Variants in XPR1 observed in about 807,000 individuals in gnomAD.
The protein encoded by XPR1 is solute carrier family 53 member 1.
In XPR1, 28 loss-of-function variants were observed where a neutral mutation model predicts 87.5. The observed-to-expected ratio is 0.32, with a 90% confidence interval of 0.24 to 0.44. The LOEUF is 0.44. Ranked by LOEUF, XPR1 falls within the 20% of genes least tolerant of loss-of-function variation. XPR1 has a pLI of 1.00. For synonymous variants in XPR1, 300 were observed against 306.1 expected (o/e 0.98, Z 0.21); for missense variants, 559 against 862.3 (o/e 0.65, Z 4.41).
chr1:180,638,788 ATATAAATTTGTATTACTTTTG>A (rs1230433771), intron 1 of XPR1, among the ~76,000 whole-genome samples: 6 of 152,328 alleles, frequency 3.9e-5, no homozygotes, highest in East Asian at 3.9e-4. Flanking sequence ...TGGAACATGG[ATATAAATTTGTATTACTTTTG>A]TATAAATTTG....
At chr1:180,725,316 T>G (rs547588227) in intron 2 of XPR1, among the ~76,000 whole-genome samples, 5 of 152,274 alleles carry the variant, frequency 3.3e-5, no homozygotes, top group African/African-American at 1.2e-4. Flanking sequence ...TTTTTGAAGA[T>G]CTGACTAATC....
chr1:180,806,776 A>T (rs948842179), intron 6 of XPR1, among the ~76,000 whole-genome samples: 2 of 152,096 alleles, frequency 1.3e-5, no homozygotes, highest in African/African-American at 4.8e-5. Context: ...TTTCTTGTTT[A>T]TTCTTACTGA....
intron 6 of XPR1, among the ~76,000 whole-genome samples, chr1:180,809,775 T>C (rs1222933627): frequency 6.6e-6 from 1 of 152,194 alleles, no homozygotes; most frequent in East Asian, 1.9e-4. Context: ...CACTTTATTA[T>C]TCATTTCTAA....
chr1:180,834,662 C>T (rs1012738984), intron 9 of XPR1, among the ~76,000 whole-genome samples: 2 of 152,088 alleles, frequency 1.3e-5, no homozygotes, highest in Admixed American at 6.5e-5. Flanking sequence ...TTTTTTCCTC[C>T]TTTACTTCCT....
chr1:180,800,482 CAAGTGAGCTTG>C (rs1242991453), intron 3 of XPR1, among the ~76,000 whole-genome samples: 1 of 152,212 alleles, frequency 6.6e-6, no homozygotes, highest in East Asian at 1.9e-4. Context: ...CTGCCACAAC[CAAGTGAGCTTG>C]AATGTGAGCT....
At chr1:180,725,254 T>C (rs1658299181) in intron 2 of XPR1, among the ~76,000 whole-genome samples, 1 of 152,218 alleles carries the variant, frequency 6.6e-6, no homozygotes, top group Non-Finnish European at 1.5e-5. Flanking sequence ...GCATTTTAAA[T>C]GTTATTTTTA....
chr1:180,857,161 C>T lies in XPR1; in HGVS notation c.1502-6547C>T, dbSNP rs984542226. ...TTTTATTATTACATATACTCTTTCT[C>T]CACCTTCACATGAAAATGTGGCTGG... On this transcript the variant is annotated intron_variant, in intron 11 of 14. Transcript: ENST00000367590. Among the ~76,000 whole-genome samples the T allele has an allele frequency of 5.7e-4, 87 of 152,056 alleles. 1 individual carries two copies. The highest frequency in any genetic ancestry group is 3.9e-4 in the Admixed American group (6 of 15,282).
chr1:180,651,710 A>G (rs1406586681), intron 1 of XPR1, among the ~76,000 whole-genome samples: 2 of 152,296 alleles, frequency 1.3e-5, no homozygotes, highest in Non-Finnish European at 2.9e-5. Context: ...GGCTTATAAT[A>G]TTTAAATTGT....
chr1:180,709,110 C>T (rs1188216694), intron 2 of XPR1, among the ~76,000 whole-genome samples: 1 of 152,088 alleles, frequency 6.6e-6, no homozygotes. Context: ...TGGGGTTTCA[C>T]CATGTTGGCC....
intron 2 of XPR1, among the ~76,000 whole-genome samples, chr1:180,710,674 C>T (rs1239016307): frequency 6.6e-6 from 1 of 152,250 alleles, no homozygotes; most frequent in Non-Finnish European, 1.5e-5. Context: ...TTCGACAAAA[C>T]CGCCATTGTC....
chr1:180,814,084 A>G (rs1267375163), intron 7 of XPR1, among the ~76,000 whole-genome samples: 1 of 152,188 alleles, frequency 6.6e-6, no homozygotes, highest in Non-Finnish European at 1.5e-5. Context: ...GATGTTCGAG[A>G]GATAATTTAC....
intron 2 of XPR1, among the ~76,000 whole-genome samples, chr1:180,772,148 C>T (rs2102067294): frequency 6.6e-6 from 1 of 152,072 alleles, no homozygotes; most frequent in Non-Finnish European, 1.5e-5. Flanking sequence ...GTGCTTTATT[C>T]TATGGATTAT....
intron 2 of XPR1, among the ~76,000 whole-genome samples, chr1:180,771,438 C>T (rs7555356): frequency 0.28 from 42,778 of 152,004 alleles, 7,564 homozygotes; most frequent in Non-Finnish European, 0.38. Context: ...CGTACTCAAT[C>T]GTAGTGCAAT....
chr1:180,683,630 G>T (rs556802322), intron 2 of XPR1, among the ~76,000 whole-genome samples: 3 of 152,212 alleles, frequency 2.0e-5, no homozygotes, highest in African/African-American at 7.2e-5. Flanking sequence ...AGCACCTGTT[G>T]TTTCCTGACT....
At position 180,863,532 on chromosome 1, in the gene XPR1, A is replaced by G. The variant is rs554877164; in HGVS notation, c.1502-176A>G. Among the ~76,000 whole-genome samples the G allele has an allele frequency of 2.0e-5, 3 of 152,334 alleles. No individual in the cohort carries two copies. The South Asian group carries it at 6.2e-4, about 32-fold the overall frequency. On this transcript the variant is annotated intron_variant, in intron 11 of 14. Coordinates refer to ENST00000367590, the MANE Select transcript of XPR1 (RefSeq NM_004736.4). ...ATGTTTGATGATTGCTTTGGACCTC[A>G]GGGAAATCATATTTATTATTTAACC...
In XPR1 at chr1:180,873,923, G is replaced by T. The variant is rs1652582057; in HGVS notation, c.1789G>T (p.Ala597Ser). 4 of 1,613,384 alleles carry T rather than the reference G, an allele frequency of 2.5e-6. No individual in the cohort carries two copies. In the East Asian group the frequency reaches 8.9e-5, roughly 36 times the overall value. The change falls in exon 13 of 15, where the codon GCC becomes TCC. Residue 597 changes from alanine (A) to serine (S), a missense_variant. Physicochemically the swap from Ala to Ser is moderately conservative, Grantham distance 99. Around this residue, in one of 7 missense-constraint regions of XPR1, gnomAD observed 264 missense variants for 377.2 expected, o/e 0.70. Transcript: ENST00000367590. ...TGGGGACATCATTGCTACTGTCTTTGCCCCACTTGAGGTTTTCCGGTAAGC... is the reference window on the plus strand; with the variant it reads ...TGGGGACATCATTGCTACTGTCTTTTCCCCACTTGAGGTTTTCCGGTAAGC... ...HSGDIIATVF[A>S]PLEVFRRFVW...
intron 1 of XPR1, among the ~76,000 whole-genome samples, chr1:180,681,426 A>G (rs1656575019): frequency 6.6e-6 from 1 of 152,134 alleles, no homozygotes; most frequent in Admixed American, 6.6e-5. Flanking sequence ...AGGGCGGATC[A>G]TGAGGTCAGG....
At chr1:180,808,244 G>A (rs1208887298) in intron 6 of XPR1, among the ~76,000 whole-genome samples, 2 of 150,606 alleles carry the variant, frequency 1.3e-5, no homozygotes, top group Middle Eastern at 3.5e-3. Flanking sequence ...GAGAAGGGTA[G>A]CATTTTCAAC....
rs191195992 is a variant in XPR1, at chr1:180,759,641, A to G, written c.122-28112A>G. Among the ~76,000 whole-genome samples, 17 of 152,294 alleles carry G rather than the reference A, an allele frequency of 1.1e-4. No homozygotes were observed. In the East Asian group the frequency reaches 3.3e-3, roughly 29 times the overall value. On this transcript the variant is annotated intron_variant, in intron 2 of 14. Coordinates refer to ENST00000367590, the MANE Select transcript of XPR1 (RefSeq NM_004736.4). ...ATAATCAATAGCTTACCAACCAAAA[A>G]AAGTCCAGGACCAGATGGATTCACA...
Sources: gnomAD v4.1 joint callset for allele counts (sites outside exome capture counted in the v4.1 genomes callset) on GRCh38, gnomAD v4.1.1 for gene constraint, gnomAD v4.1.1 regional missense constraint, MANE v1.5 for transcripts, NCBI Gene and HGNC (gene_info 2026-07-23, HGNC 2026-07-21) for gene names.